Variants in MAML3 observed in about 807,000 individuals in gnomAD.
MAML3 encodes the protein mastermind like transcriptional coactivator 3, also known as mastermind-like protein 3.
In MAML3, 27 loss-of-function variants were observed where a neutral mutation model predicts 101.9. That is an observed-to-expected ratio of 0.27 (90% confidence interval 0.20 to 0.37). MAML3 has a LOEUF of 0.37. Ranked by LOEUF, MAML3 falls within the 10% of genes least tolerant of loss-of-function variation. The pLI is 1.00. For synonymous variants in MAML3, 501 were observed against 555.9 expected (o/e 0.90, Z 1.39); for missense variants, 1,316 against 1,444.9 (o/e 0.91, Z 1.45).
intron 1 of MAML3, among the ~76,000 whole-genome samples, chr4:139,929,138 GAGAT>G (rs1247195127): frequency 1.3e-5 from 2 of 152,206 alleles, no homozygotes; most frequent in African/African-American, 4.8e-5. Flanking sequence ...ATGCAGAGTT[GAGAT>G]AGATCGCTTC....
chr4:140,047,455 G>A (rs1031562195), intron 1 of MAML3, among the ~76,000 whole-genome samples: 2 of 152,188 alleles, frequency 1.3e-5, no homozygotes, highest in African/African-American at 4.8e-5. Flanking sequence ...TCTGAATAAT[G>A]AAGTTGGTGA....
At chr4:139,863,107 G>A (rs1207929382) in intron 2 of MAML3, among the ~76,000 whole-genome samples, 4 of 139,732 alleles carry the variant, frequency 2.9e-5, no homozygotes, top group African/African-American at 7.9e-5. Context: ...CCAAGGTTGC[G>A]CCACTGCACT....
At chr4:139,760,710 C>T (rs928367469) in intron 2 of MAML3, among the ~76,000 whole-genome samples, 1 of 152,158 alleles carries the variant, frequency 6.6e-6, no homozygotes, top group East Asian at 1.9e-4. Flanking sequence ...ATATTCTATA[C>T]CCATCAGAAG....
chr4:139,834,351 T>C (rs1304814389), intron 2 of MAML3, among the ~76,000 whole-genome samples: 2 of 152,216 alleles, frequency 1.3e-5, no homozygotes, highest in Admixed American at 1.3e-4. Flanking sequence ...GCCTGAAAGA[T>C]CTGGCAGCTC....
intron 1 of MAML3, among the ~76,000 whole-genome samples, chr4:140,135,992 G>A (rs1005544718): frequency 2.6e-5 from 4 of 152,086 alleles, no homozygotes; most frequent in African/African-American, 9.7e-5. Context: ...TTTATTCAAG[G>A]AACAAAAGAC....
chr4:140,000,970 G>A (rs923062600), intron 1 of MAML3, among the ~76,000 whole-genome samples: 3 of 152,064 alleles, frequency 2.0e-5, no homozygotes, highest in Non-Finnish European at 4.4e-5. Flanking sequence ...GGACGTTGTG[G>A]TGAGCTGAGA....
intron 2 of MAML3, among the ~76,000 whole-genome samples, chr4:139,744,232 T>G (rs1343470575): frequency 6.6e-6 from 1 of 152,236 alleles, no homozygotes; most frequent in East Asian, 1.9e-4. Context: ...GGATCTGGTT[T>G]GAGAACATGG....
At chr4:139,784,064 C>A (rs1405519605) in intron 2 of MAML3, among the ~76,000 whole-genome samples, 1 of 152,132 alleles carries the variant, frequency 6.6e-6, no homozygotes, top group East Asian at 1.9e-4. Context: ...CCTGAGCATC[C>A]GCACACAACA....
At chr4:139,766,411 A>G (rs1729860347) in intron 2 of MAML3, among the ~76,000 whole-genome samples, 1 of 152,160 alleles carries the variant, frequency 6.6e-6, no homozygotes, top group Non-Finnish European at 1.5e-5. Context: ...ACCTCAGGTG[A>G]TCCACCCACC....
intron 1 of MAML3, among the ~76,000 whole-genome samples, chr4:140,120,643 T>C (rs1438571196): frequency 6.6e-6 from 1 of 152,230 alleles, no homozygotes; most frequent in African/African-American, 2.4e-5. Context: ...TCTTTTCCCA[T>C]ATAAAGACTG....
chr4:139,959,466 C>A (rs1733971139), intron 1 of MAML3, among the ~76,000 whole-genome samples: 1 of 152,188 alleles, frequency 6.6e-6, no homozygotes, highest in South Asian at 2.1e-4. Context: ...CTGGGTACTG[C>A]TCTATGGCAG....
intron 1 of MAML3, among the ~76,000 whole-genome samples, chr4:139,916,237 A>G (rs1298524256): frequency 4.6e-5 from 7 of 152,212 alleles, no homozygotes; most frequent in Admixed American, 4.6e-4. Context: ...GAGATAGGAA[A>G]AAAAGGAAGG....
At chr4:139,828,800 G>C (rs1262401617) in intron 2 of MAML3, among the ~76,000 whole-genome samples, 1 of 148,800 alleles carries the variant, frequency 6.7e-6, no homozygotes, top group Non-Finnish European at 1.5e-5. Context: ...ATGGAACATT[G>C]ACTTCAAGGG....
At chr4:140,001,228 G>T (rs751043652) in intron 1 of MAML3, among the ~76,000 whole-genome samples, 4 of 152,112 alleles carry the variant, frequency 2.6e-5, no homozygotes, top group Non-Finnish European at 4.4e-5. Flanking sequence ...TTTTAGCCAC[G>T]TTCAGTTCTT....
intron 1 of MAML3, among the ~76,000 whole-genome samples, chr4:140,042,955 G>C (rs1480921886): frequency 6.6e-6 from 1 of 152,120 alleles, no homozygotes; most frequent in African/African-American, 2.4e-5. Context: ...GACTTGAGTG[G>C]TGTAATGCCC....
At chr4:140,091,269 C>G (rs919166507) in intron 1 of MAML3, among the ~76,000 whole-genome samples, 3 of 152,126 alleles carry the variant, frequency 2.0e-5, no homozygotes, top group Non-Finnish European at 4.4e-5. Flanking sequence ...CTGGCTTTAG[C>G]TGACAGGCAA....
intron 1 of MAML3, among the ~76,000 whole-genome samples, chr4:140,102,051 CT>C (rs1728260930): frequency 6.6e-6 from 1 of 152,156 alleles, no homozygotes; most frequent in South Asian, 2.1e-4. Flanking sequence ...AAACTTGAAA[CT>C]TAACATGTAT....
At chr4:139,941,765 A>C (rs1277711511) in intron 1 of MAML3, among the ~76,000 whole-genome samples, 1 of 152,178 alleles carries the variant, frequency 6.6e-6, no homozygotes, top group Non-Finnish European at 1.5e-5. Context: ...CGATGGTCTA[A>C]TATGCTCTTA....
At chr4:140,023,558 G>A (rs896310999) in intron 1 of MAML3, among the ~76,000 whole-genome samples, 3 of 152,186 alleles carry the variant, frequency 2.0e-5, no homozygotes, top group Non-Finnish European at 4.4e-5. Context: ...TGTGGAGGGA[G>A]GAAATTTGCA....
Sources: gnomAD v4.1 joint callset for allele counts (sites outside exome capture counted in the v4.1 genomes callset) on GRCh38, gnomAD v4.1.1 for gene constraint, MANE v1.5 for transcripts, NCBI Gene and HGNC (gene_info 2026-07-23, HGNC 2026-07-21) for gene names.